Variants in NXPE1 observed in about 807,000 individuals in gnomAD.
NXPE1 encodes the protein neurexophilin and PC-esterase domain family member 1.
NXPE1 carries 31 observed loss-of-function variants against 33.3 expected under a neutral mutation model. That is an observed-to-expected ratio of 0.93 (90% CI 0.70 to 1.26). The LOEUF is 1.26. Among genes scored for constraint, NXPE1 ranks in the 50% most tolerant of loss-of-function variants. NXPE1 has a pLI of 0.00. For missense variants in NXPE1, 661 were observed against 655.6 expected (o/e 1.01, Z -0.09); for synonymous variants, 229 against 231.4 (o/e 0.99, Z 0.09).
chr11:114,531,501 C>A (rs898119540), intron 5 of NXPE1, among the ~76,000 whole-genome samples: 1 of 152,166 alleles, frequency 6.6e-6, no homozygotes, highest in South Asian at 2.1e-4. Context: ...GTTGCTAAAC[C>A]AGTCCTTTTT....
rs748400187 is a variant in NXPE1 at position 114,522,136 on chromosome 11, G to C, written c.1476C>G (p.Asp492Glu). The C allele has an allele frequency of 9.9e-6, 16 of 1,613,924 alleles. No individual in the cohort carries two copies. The South Asian group carries it at 1.8e-4, about 18-fold the overall frequency. Reference sequence around the variant, plus strand: ...TAAGATAGTGAATATAACCATGGAAGTCTCCAAACCTCTCTGTCTCTATGT... The same window carrying C: ...TAAGATAGTGAATATAACCATGGAACTCTCCAAACCTCTCTGTCTCTATGT... Residue 492 changes from aspartate to glutamate, a missense_variant, in exon 9 of 9, where the codon GAC (aspartate) becomes GAG (glutamate). Asp to Glu is a conservative substitution (Grantham distance 45, BLOSUM62 2). Coordinates refer to ENST00000534921, the Ensembl canonical transcript of NXPE1.
chr11:114,534,784 A>G (rs141867117), intron 5 of NXPE1, among the ~76,000 whole-genome samples: 1 of 152,194 alleles, frequency 6.6e-6, no homozygotes, highest in African/African-American at 2.4e-5. Context: ...GACTATGTGA[A>G]AAGACCAAAT....
intron 5 of NXPE1, among the ~76,000 whole-genome samples, chr11:114,548,264 C>G (rs569727368): frequency 6.6e-6 from 1 of 152,152 alleles, no homozygotes; most frequent in Non-Finnish European, 1.5e-5. Context: ...TTATTTATAG[C>G]ATGCCAAGTG....
intron 6 of NXPE1, among the ~76,000 whole-genome samples, chr11:114,528,121 A>G (rs1001431179): frequency 6.6e-6 from 1 of 152,200 alleles, no homozygotes; most frequent in Non-Finnish European, 1.5e-5. Flanking sequence ...AGCTCTACCG[A>G]TCTGCCACAT....
chr11:114,528,765 A>G, intron 6 of NXPE1: 1 of 630,892 alleles, frequency 1.6e-6, no homozygotes, highest in Non-Finnish European at 3.0e-6. Flanking sequence ...ATGAGGACCC[A>G]GGTGCCAAGT....
intron 6 of NXPE1, chr11:114,528,802 T>C (rs1229795746): frequency 1.5e-6 from 1 of 677,828 alleles, no homozygotes. Flanking sequence ...GTACCTGATT[T>C]CCTGCTATAG....
intron 5 of NXPE1, among the ~76,000 whole-genome samples, chr11:114,549,517 A>G (rs79793693): frequency 6.6e-6 from 1 of 152,050 alleles, no homozygotes; most frequent in Non-Finnish European, 1.5e-5. Context: ...TAAAAGCACA[A>G]TAGGACTTTG....
At chr11:114,554,681 T>G (rs1948608058) in intron 1 of NXPE1, among the ~76,000 whole-genome samples, 2 of 152,234 alleles carry the variant, frequency 1.3e-5, no homozygotes, top group South Asian at 4.1e-4. Flanking sequence ...GATTCTTTAT[T>G]AACAGTACTG....
intron 7 of NXPE1, 121 bp downstream of exon 7, chr11:114,527,719 G>T: frequency 1.7e-6 from 1 of 593,580 alleles, no homozygotes; most frequent in East Asian, 2.9e-5. Flanking sequence ...TTAAAGTCCA[G>T]CATGATTGAC....
chr11:114,520,605 A>G (rs1304050270), downstream of NXPE1, among the ~76,000 whole-genome samples: 4 of 152,084 alleles, frequency 2.6e-5, no homozygotes, highest in Non-Finnish European at 4.4e-5. Context: ...TGAAGTGCTG[A>G]TTTCATTTCC....
chr11:114,520,336 TGA>T (rs1350879442), downstream of NXPE1, among the ~76,000 whole-genome samples: 1 of 152,190 alleles, frequency 6.6e-6, no homozygotes, highest in Non-Finnish European at 1.5e-5. Flanking sequence ...CATATATAAG[TGA>T]GATCAAGCAA....
chr11:114,554,301 A>C, intron 1 of NXPE1: 2 of 982,212 alleles, frequency 2.0e-6, no homozygotes, highest in Non-Finnish European at 2.4e-6. Context: ...AGCAGAGGCC[A>C]TGTGTGCCAT....
At chr11:114,531,000 T>G in intron 5 of NXPE1, 92 bp from the exon 6 acceptor site, 2 of 1,293,636 alleles carry the variant, frequency 1.5e-6, no homozygotes, top group Non-Finnish European at 1.0e-6. Context: ...ACAGTGAATA[T>G]TTGTATAATT....
At chr11:114,545,691 CT>C (rs202218807) in intron 5 of NXPE1, among the ~76,000 whole-genome samples, 3,080 of 138,640 alleles carry the variant, frequency 0.022, 35 homozygotes, top group African/African-American at 0.045. Context: ...AAGAGTGGAT[CT>C]TTTTTTTTTT....
chr11:114,540,659 C>T (rs191888083), intron 5 of NXPE1, among the ~76,000 whole-genome samples: 3 of 151,540 alleles, frequency 2.0e-5, no homozygotes, highest in East Asian at 3.9e-4. Flanking sequence ...CAACTCTGAA[C>T]GAAATGCCAA....
intron 5 of NXPE1, among the ~76,000 whole-genome samples, chr11:114,547,742 A>AAAAGAAATGATGTAAC (rs1404650182): frequency 1.3e-5 from 2 of 152,162 alleles, no homozygotes; most frequent in Non-Finnish European, 2.9e-5. Flanking sequence ...CTCAAAAAGG[A>AAAAGAAATGATGTAAC]AAAGAAATGA....
intron 5 of NXPE1, among the ~76,000 whole-genome samples, chr11:114,538,345 G>T (rs914901847): frequency 1.3e-5 from 2 of 152,186 alleles, no homozygotes; most frequent in African/African-American, 2.4e-5. Flanking sequence ...AACCTAGGCA[G>T]TACCATTCAG....
At chr11:114,529,306 T>A (rs571197131) in intron 6 of NXPE1, 2 of 153,040 alleles carry the variant, frequency 1.3e-5, no homozygotes, top group Non-Finnish European at 2.9e-5. Flanking sequence ...CTGGAACTGA[T>A]AGAAGTCTTA....
At chr11:114,559,192 CTTTG>C (rs1401262416) in intron 1 of NXPE1, among the ~76,000 whole-genome samples, 1 of 152,146 alleles carries the variant, frequency 6.6e-6, no homozygotes, top group African/African-American at 2.4e-5. Context: ...GCTTTTCTGG[CTTTG>C]TTTATGACTC....
Sources: allele counts gnomAD v4.1 joint callset (sites outside exome capture counted in the v4.1 genomes callset), GRCh38; gene constraint gnomAD v4.1.1; transcripts MANE v1.5; gene names NCBI Gene and HGNC (gene_info 2026-07-23, HGNC 2026-07-21).